CLEC2B: variants seen among roughly 807,000 people sequenced by gnomAD.
The protein encoded by CLEC2B is C-type (calcium dependent, carbohydrate-recognition domain) lectin, superfamily member 2 (activation-induced).
In CLEC2B, 14 loss-of-function variants were observed where a neutral mutation model predicts 16.2. The ratio of observed to expected loss-of-function variants is 0.86; its 90% CI spans 0.57 to 1.35. The LOEUF (loss-of-function observed/expected upper bound fraction) is 1.35. Ranked by LOEUF, CLEC2B falls within the 40% of genes most tolerant of loss-of-function variation. The probability of loss-of-function intolerance (pLI) is 0.00; values close to 1 mark genes in which losing one functional copy is unlikely to be tolerated. For synonymous variants in CLEC2B, 42 were observed against 55.8 expected (o/e 0.75, Z 1.10); for missense variants, 166 against 182.3 (o/e 0.91, Z 0.52).
intron 1 of CLEC2B, among the ~76,000 whole-genome samples, chr12:9,863,409 A>C (rs185084577): frequency 6.6e-6 from 1 of 152,332 alleles, no homozygotes; most frequent in African/African-American, 2.4e-5. Context: ...ATCCATAAGA[A>C]ACAACAGCAA....
Position 9,862,595 on chromosome 12 carries a change from A to T in CLEC2B, c.-2-22T>A. The T allele has an allele frequency of 2.1e-6, 3 of 1,421,802 alleles. No individual in the cohort carries two copies. The Admixed American group carries it at 8.3e-5, about 39-fold the overall frequency. The allele number at this position is 1,421,802 out of a possible 1,614,324, so 88.1% of individuals were successfully genotyped here. On this transcript the variant is annotated intron_variant, in intron 1 of 4. Transcript: ENST00000228438. ...ATACCTGAAAAATAAAAATAAAGAC[A>T]TTTAGGAGACTTCTGGCTCCAAAAT... is the stretch of plus-strand genomic sequence containing the variant.
intron 2 of CLEC2B, among the ~76,000 whole-genome samples, chr12:9,860,057 G>T: frequency 6.6e-6 from 1 of 151,418 alleles, no homozygotes; most frequent in South Asian, 2.1e-4. Context: ...TACTAAATTG[G>T]GAAATATTAA....
Position 9,862,538 on chromosome 12 carries a change from C to T in CLEC2B, c.34G>A (p.Val12Ile). The T allele has an allele frequency of 6.8e-7, 1 of 1,469,938 alleles. No individual in the cohort carries two copies. The highest frequency in any genetic ancestry group is 1.2e-5 in the South Asian group (1 of 81,700). The allele number at this position is 1,469,938 out of a possible 1,614,324, so 91.1% of individuals were successfully genotyped here. ...MTKHKKCFII[V>I]GVLITTNIIT... ...ATATTAGTTGTTATTAAAACACCAA[C>T]AATTATAAAACACTTTTTATGTTTG... is the stretch of plus-strand genomic sequence containing the variant. The change falls in exon 2 of 5, where the codon GTT becomes ATT. Residue 12 changes from valine (V) to isoleucine (I), a missense_variant. By Grantham distance (29) the Val-to-Ile change is conservative. Coordinates refer to ENST00000228438, the MANE Select transcript of CLEC2B (RefSeq NM_005127.3).
chr12:9,857,865 C>T (rs768413996), intron 2 of CLEC2B, among the ~76,000 whole-genome samples: 12 of 152,000 alleles, frequency 7.9e-5, no homozygotes, highest in African/African-American at 2.7e-4. Context: ...TTCAGTGATA[C>T]GTAGGCCTTC....
At chr12:9,860,296 T>C (rs755166128) in intron 2 of CLEC2B, among the ~76,000 whole-genome samples, 1 of 151,708 alleles carries the variant, frequency 6.6e-6, no homozygotes, top group Non-Finnish European at 1.5e-5. Flanking sequence ...TAGTTAACTA[T>C]AGCAAATTTG....
intron 2 of CLEC2B, among the ~76,000 whole-genome samples, chr12:9,858,857 A>G (rs1190317020): frequency 6.6e-6 from 1 of 152,036 alleles, no homozygotes; most frequent in Non-Finnish European, 1.5e-5. Flanking sequence ...AATGGTAAGG[A>G]TGACCTTTAC....
rs962489415 is a variant in CLEC2B at position 9,853,114 on chromosome 12, ACTC to A, written c.*183_*185del. 6.0e-6 allele frequency: 3 copies of A among 500,812 alleles called. No individual in the cohort carries two copies. The highest frequency in any genetic ancestry group is 1.1e-5 in the Non-Finnish European group (3 of 280,556). The allele number at this position is 500,812 out of a possible 1,614,324, so 31.0% of individuals were successfully genotyped here. A position where few individuals can be genotyped will look rare whatever the true frequency, so the allele number is the denominator to read the frequency against. On this transcript the variant is annotated 3_prime_UTR_variant, in exon 5 of 5. Transcript: ENST00000228438. ...GAGAGAGAAAGAAAGAAAGAAAAAA[ACTC>A]AGCAGAATACCTGTAACCATTTTTT...
intron 1 of CLEC2B, among the ~76,000 whole-genome samples, chr12:9,864,372 T>C (rs1159293175): frequency 6.6e-6 from 1 of 152,114 alleles, no homozygotes; most frequent in African/African-American, 2.4e-5. Flanking sequence ...TAAAATACAC[T>C]GATAAAATTA....
rs917885600 is a variant in CLEC2B at position 9,864,423 on chromosome 12, T to C, written c.-2-1850A>G. 8.5e-5 allele frequency among the ~76,000 whole-genome samples: 13 copies of C among 152,210 alleles called. 1 individual carries two copies. Among genetic ancestry groups the C allele is most frequent in the Admixed American group, 7.8e-4 (12 of 15,288 alleles). On this transcript the variant is annotated intron_variant, in intron 1 of 4. Transcript: ENST00000228438. ...CCAGAATACTCTAATACTGTAATTG[T>C]GGTGCACAATCTTCTCATATCCCTA... is the stretch of plus-strand genomic sequence containing the variant.
At chr12:9,857,401 T>G in intron 3 of CLEC2B, 73 bp downstream of exon 3, 1 of 1,150,146 alleles carries the variant, frequency 8.7e-7, no homozygotes, top group South Asian at 1.4e-5. Context: ...ACTTCAAGAT[T>G]ATAATGGTGT....
intron 3 of CLEC2B, 86 bp from the exon 4 acceptor site, chr12:9,854,570 G>A: frequency 1.2e-6 from 1 of 856,316 alleles, no homozygotes; most frequent in Admixed American, 1.9e-5. Context: ...AGGTTGTGAA[G>A]TGCAAGGCAA....
chr12:9,865,176 C>A, intron 1 of CLEC2B, among the ~76,000 whole-genome samples: 1 of 57,324 alleles, frequency 1.7e-5, no homozygotes. Context: ...AAGCAAGACT[C>A]TCTCAAAAAA....
chr12:9,867,439 G>T (rs1438473253), intron 1 of CLEC2B, among the ~76,000 whole-genome samples: 1 of 152,008 alleles, frequency 6.6e-6, no homozygotes, highest in Non-Finnish European at 1.5e-5. Flanking sequence ...CTGAAATCTA[G>T]CTTTTTACAC....
intron 3 of CLEC2B, 97 bp from the exon 4 acceptor site, chr12:9,854,581 C>T: frequency 1.3e-6 from 1 of 784,738 alleles, no homozygotes; most frequent in Non-Finnish European, 2.2e-6. Context: ...TGCAAGGCAA[C>T]AATTGTTCAA....
At chr12:9,853,808 G>A (rs1168340262) in intron 4 of CLEC2B, among the ~76,000 whole-genome samples, 1 of 152,086 alleles carries the variant, frequency 6.6e-6, no homozygotes, top group Non-Finnish European at 1.5e-5. Context: ...AAAGAAAAGT[G>A]CCCCTTTTCC....
intron 3 of CLEC2B, among the ~76,000 whole-genome samples, chr12:9,856,611 C>G (rs1867895647): frequency 6.6e-6 from 1 of 152,082 alleles, no homozygotes; most frequent in Non-Finnish European, 1.5e-5. Context: ...ACGGGTAACA[C>G]ACAATTGTCT....
At chr12:9,867,632 G>A (rs1008451746) in intron 1 of CLEC2B, among the ~76,000 whole-genome samples, 2 of 152,118 alleles carry the variant, frequency 1.3e-5, no homozygotes, top group African/African-American at 2.4e-5. Context: ...GATCTCCCAC[G>A]ATGAAGCTGA....
intron 1 of CLEC2B, among the ~76,000 whole-genome samples, chr12:9,865,674 C>T (rs755598634): frequency 8.5e-5 from 13 of 152,154 alleles, no homozygotes; most frequent in Non-Finnish European, 1.8e-4. Flanking sequence ...ATCCAACTGA[C>T]ACGTACAGAA....
At chr12:9,862,694 C>A in intron 1 of CLEC2B, 121 bp from the exon 2 acceptor site, 1 of 801,362 alleles carries the variant, frequency 1.2e-6, no homozygotes, top group Non-Finnish European at 1.7e-6. Context: ...TGTGATTATC[C>A]CCAGCAATAT....
Sources: gnomAD v4.1 joint callset for allele counts (sites outside exome capture counted in the v4.1 genomes callset) on GRCh38, gnomAD v4.1.1 for gene constraint, MANE v1.5 for transcripts, NCBI Gene and HGNC (gene_info 2026-07-23, HGNC 2026-07-21) for gene names.